SHOX2: variants seen among roughly 807,000 people sequenced by gnomAD.
SHOX2 encodes the protein SHOX homeobox 2.
Under a neutral mutation model 31.3 loss-of-function variants are expected in SHOX2, and 13 were observed. That is an observed-to-expected ratio of 0.42 (90% confidence interval 0.27 to 0.66). The LOEUF is 0.66. SHOX2 is among the 30% of genes least tolerant of loss of function. The pLI is 0.27. For missense variants in SHOX2, 473 were observed against 443.0 expected, an observed-to-expected ratio of 1.07 and a Z score of -0.61; for synonymous variants, 244 against 196.2, an observed-to-expected ratio of 1.24 and a Z score of -2.04.
In SHOX2 at chr3:158,106,218, G is replaced by T; in HGVS notation, c.-194C>A. 1.1e-6 allele frequency: 1 copy of T among 882,706 alleles called. No homozygotes were observed. The highest frequency in any genetic ancestry group is 1.6e-6 in the Non-Finnish European group (1 of 615,438). 54.7% of individuals were successfully genotyped at this position (882,706 alleles called of 1,614,324 possible). On this transcript the variant is annotated 5_prime_UTR_variant, in exon 1 of 5. Transcript: ENST00000483851. ...GAAGAAAGAGGAGGAGAAGTAGAAG[G>T]AGAAAAAGAAGTAAGAAGAGGAGGA...
At chr3:158,104,890 T>C (rs1001556020) in intron 1 of SHOX2, among the ~76,000 whole-genome samples, 2 of 152,126 alleles carry the variant, frequency 1.3e-5, no homozygotes, top group African/African-American at 4.8e-5. Context: ...TTTGAATTGG[T>C]ATAGAACGCT....
intron 2 of SHOX2, among the ~76,000 whole-genome samples, chr3:158,101,103 T>C (rs1713460957): frequency 6.6e-6 from 1 of 152,234 alleles, no homozygotes; most frequent in Non-Finnish European, 1.5e-5. Flanking sequence ...TTGACAACTT[T>C]TACAGGCAGT....
chr3:158,103,098 A>C (rs1016869480), intron 1 of SHOX2: 6 of 605,654 alleles, frequency 9.9e-6, no homozygotes, highest in Non-Finnish European at 1.8e-5. Flanking sequence ...GTCAAGTCTG[A>C]GCGGCCGCCT....
intron 2 of SHOX2, among the ~76,000 whole-genome samples, chr3:158,100,972 C>T (rs1713454163): frequency 1.3e-5 from 2 of 151,964 alleles, no homozygotes. Flanking sequence ...AAGTATGAAA[C>T]AACAATAAAG....
intron 1 of SHOX2, chr3:158,104,245 G>A (rs1713707317): frequency 6.6e-6 from 1 of 152,278 alleles, no homozygotes; most frequent in East Asian, 1.9e-4. Flanking sequence ...GCGCGCTGGC[G>A]AACCTGTAGT....
chr3:158,104,670 G>C (rs1222098153), intron 1 of SHOX2, among the ~76,000 whole-genome samples: 2 of 152,202 alleles, frequency 1.3e-5, no homozygotes, highest in East Asian at 3.9e-4. Context: ...CAAATTTCAA[G>C]TTGATCCATA....
Position 158,097,835 on chromosome 3 carries a change from GTGAGATCCCTGGTCCTGCGTGGAGTC to G in SHOX2, c.*166_*191del. On this transcript the variant is annotated 3_prime_UTR_variant, in exon 5 of 5. Coordinates refer to ENST00000483851, the MANE Select transcript of SHOX2 (RefSeq NM_001163678.2). ...AGGAGCCACGGAGCCTGCGTGCCTC[GTGAGATCCCTGGTCCTGCGTGGAGTC>G]TGGCTTTCCGAGTCCAAGATGCGAT... 1.3e-6 allele frequency: 1 copy of G among 743,202 alleles called. No individual in the cohort carries two copies. The highest frequency in any genetic ancestry group is 2.2e-6 in the Non-Finnish European group (1 of 456,058). 46.0% of individuals were successfully genotyped at this position (743,202 alleles called of 1,614,324 possible). A position where few individuals can be genotyped will look rare whatever the true frequency, so the allele number is the denominator to read the frequency against.
rs372037481 is a variant in SHOX2, at chr3:158,097,981, G to A, written c.*46C>T. On this transcript the variant is annotated 3_prime_UTR_variant, in exon 5 of 5. Coordinates refer to ENST00000483851, the MANE Select transcript of SHOX2 (RefSeq NM_001163678.2). ...AGCAGCGGGGCGCGGAGGGCGTGCA[G>A]GCTGAGTGCCGCGGGACAGGCGCGA... 5 of 1,550,826 alleles carry A rather than the reference G, an allele frequency of 3.2e-6. No individual in the cohort carries two copies. The highest frequency in any genetic ancestry group is 2.7e-5 in the African/African-American group (2 of 73,560).
chr3:158,106,148 G>A lies in SHOX2; in HGVS notation c.-124C>T, dbSNP rs1161147831. The A allele has an allele frequency of 7.0e-6, 10 of 1,430,214 alleles. No homozygotes were observed. The highest frequency in any genetic ancestry group is 2.8e-5 in the East Asian group (1 of 35,692). The allele number at this position is 1,430,214 out of a possible 1,614,324, so 88.6% of individuals were successfully genotyped here. ...CACATCAATGGGACAGGAGGTGGGGGAGGAGAGGGAGGAGGAGAAAGAAGA... is the reference window on the plus strand; with the variant it reads ...CACATCAATGGGACAGGAGGTGGGGAAGGAGAGGGAGGAGGAGAAAGAAGA... On this transcript the variant is annotated 5_prime_UTR_variant, in exon 1 of 5. Coordinates refer to ENST00000483851, the MANE Select transcript of SHOX2 (RefSeq NM_001163678.2).
At chr3:158,099,609 T>G (rs966084591) in intron 4 of SHOX2, among the ~76,000 whole-genome samples, 1 of 152,236 alleles carries the variant, frequency 6.6e-6, no homozygotes, top group Non-Finnish European at 1.5e-5. Context: ...CTTTAGTGTA[T>G]TTTTAAAGGA....
In SHOX2 at chr3:158,096,936, A is replaced by G. The variant is rs1393700733; in HGVS notation, c.*1091T>C. 4.7e-4 allele frequency: 52 copies of G among 111,778 alleles called. 1 individual carries two copies. The highest frequency in any genetic ancestry group is 1.5e-3 in the African/African-American group (46 of 30,366). The allele number at this position is 111,778 out of a possible 1,614,324, so 6.9% of individuals were successfully genotyped here. A position where few individuals can be genotyped will look rare whatever the true frequency, so the allele number is the denominator to read the frequency against. ...TATATATATATATATATATATGGCA[A>G]ATATATGATATATATATATGGATAT... On this transcript the variant is annotated 3_prime_UTR_variant, in exon 5 of 5. Coordinates refer to ENST00000483851, the MANE Select transcript of SHOX2 (RefSeq NM_001163678.2).
chr3:158,097,992 G>C lies in SHOX2; in HGVS notation c.*35C>G. On this transcript the variant is annotated 3_prime_UTR_variant, in exon 5 of 5. Coordinates refer to ENST00000483851, the MANE Select transcript of SHOX2 (RefSeq NM_001163678.2). The stretch of plus-strand genomic sequence containing the variant: ...GCGGAGGGCGTGCAGGCTGAGTGCC[G>C]CGGGACAGGCGCGACATTGGTGCTG... 1 of 1,557,408 alleles carries C rather than the reference G, an allele frequency of 6.4e-7. No homozygotes were observed. Among genetic ancestry groups the C allele is most frequent in the Non-Finnish European group, 8.7e-7 (1 of 1,150,820 alleles).
intron 2 of SHOX2, among the ~76,000 whole-genome samples, chr3:158,101,666 G>T (rs1713502221): frequency 6.6e-6 from 1 of 152,090 alleles, no homozygotes; most frequent in Non-Finnish European, 1.5e-5. Context: ...ACAGATGGTG[G>T]TCTCTGTGCC....
rs199966342 is a variant in SHOX2, at chr3:158,100,329, A to T, written c.556-18T>A. On this transcript the variant is annotated intron_variant, in intron 2 of 4. Transcript: ENST00000483851. The stretch of plus-strand genomic sequence containing the variant: ...AACCAAACCTATAGGTTGGAGGGGG[A>T]AAAAAAATAAAACCTAGATGTTATG... 3 of 1,545,816 alleles carry T rather than the reference A, an allele frequency of 1.9e-6. No homozygotes were observed. The East Asian group carries it at 6.8e-5, about 35-fold the overall frequency.
chr3:158,100,502 AAGAT>A (rs1489853743), intron 2 of SHOX2, among the ~76,000 whole-genome samples, 191 bp from the exon 3 acceptor site: 6 of 152,228 alleles, frequency 3.9e-5, no homozygotes, highest in African/African-American at 1.4e-4. Flanking sequence ...CAGAAATAGA[AAGAT>A]AGATTTTATA....
intron 2 of SHOX2, among the ~76,000 whole-genome samples, chr3:158,102,249 A>G (rs1278046946): frequency 6.6e-6 from 1 of 152,242 alleles, no homozygotes; most frequent in Non-Finnish European, 1.5e-5. Flanking sequence ...TAGACCCTGC[A>G]GAGCAGACTT....
In SHOX2 at chr3:158,106,107, GC is replaced by G. The variant is rs921431172; in HGVS notation, c.-84del. 4.4e-6 allele frequency: 7 copies of G among 1,580,556 alleles called. No homozygotes were observed. In the Admixed American group the frequency reaches 5.3e-5, roughly 12 times the overall value. On this transcript the variant is annotated 5_prime_UTR_variant, in exon 1 of 5. The change creates a premature stop within an existing upstream ORF in the 5' untranslated region. Transcript: ENST00000483851. ...TCCTTCTTCTTTTTTTACTGCTCCA[GC>G]CCCCCCAATAATAACACATCAATGG... is the stretch of plus-strand genomic sequence containing the variant.
chr3:158,106,093 T>C lies in SHOX2; in HGVS notation c.-69A>G, dbSNP rs1713913440. ...CCCCGCTCTTTTTTTCCTTCTTCTT[T>C]TTTTACTGCTCCAGCCCCCCCAATA... is the stretch of plus-strand genomic sequence containing the variant. On this transcript the variant is annotated 5_prime_UTR_variant, in exon 1 of 5. Coordinates refer to ENST00000483851, the MANE Select transcript of SHOX2 (RefSeq NM_001163678.2). 1.3e-6 allele frequency: 2 copies of C among 1,596,002 alleles called. No homozygotes were observed. The highest frequency in any genetic ancestry group is 1.7e-6 in the Non-Finnish European group (2 of 1,171,208).
At chr3:158,103,178 C>T (rs943522388) in intron 1 of SHOX2, 4 of 489,682 alleles carry the variant, frequency 8.2e-6, no homozygotes, top group Admixed American at 6.7e-5. Flanking sequence ...CACTATTCAC[C>T]CCCCAGTCAC....
Sources: gnomAD v4.1 joint callset for allele counts (sites outside exome capture counted in the v4.1 genomes callset) on GRCh38, gnomAD v4.1.1 for gene constraint, MANE v1.5 for transcripts, NCBI Gene and HGNC (gene_info 2026-07-23, HGNC 2026-07-21) for gene names.